LRRC37A2: variants seen among roughly 807,000 people sequenced by gnomAD.
LRRC37A2 encodes the protein leucine rich repeat containing 37 member A2, also known as leucine-rich repeat-containing protein 37A2.
Under a neutral mutation model 68.8 loss-of-function variants are expected in LRRC37A2, and 9 were observed. The ratio of observed to expected loss-of-function variants is 0.13; its 90% CI spans 0.08 to 0.23. The LOEUF (loss-of-function observed/expected upper bound fraction) is 0.23. Among genes scored for constraint, LRRC37A2 ranks in the 10% least tolerant of loss-of-function variants. The pLI is 1.00. For missense variants in LRRC37A2, 168 were observed against 950.4 expected, an observed-to-expected ratio of 0.18 and a Z score of 10.82; for synonymous variants, 63 against 367.6, an observed-to-expected ratio of 0.17 and a Z score of 9.48.
the LRRC37A2 span, among the ~76,000 whole-genome samples, chr17:46,809,638 C>G: frequency 6.6e-6 from 1 of 152,230 alleles, no homozygotes; most frequent in African/African-American, 2.4e-5. Context: ...TTTGCCCTCG[C>G]CCCCCTCACC....
At chr17:46,999,784 A>T in the LRRC37A2 span, among the ~76,000 whole-genome samples, 85 of 151,778 alleles carry the variant, frequency 5.6e-4, no homozygotes, top group African/African-American at 1.9e-3. Flanking sequence ...AGATTACTTG[A>T]GGTCAGGAGT....
At chr17:46,773,619 T>TCC in the LRRC37A2 span, 1 of 549,846 alleles carries the variant, frequency 1.8e-6, no homozygotes, top group Non-Finnish European at 3.2e-6. Context: ...ACAGTCCTGA[T>TCC]CCCTCCCCCC....
the LRRC37A2 span, among the ~76,000 whole-genome samples, chr17:46,920,267 T>G: frequency 2.6e-5 from 4 of 152,222 alleles, no homozygotes; most frequent in Non-Finnish European, 5.9e-5. Flanking sequence ...GTACTTTGTA[T>G]CAATTGTAGC....
chr17:46,957,056 C>A, the LRRC37A2 span, among the ~76,000 whole-genome samples: 1 of 152,168 alleles, frequency 6.6e-6, no homozygotes, highest in South Asian at 2.1e-4. Flanking sequence ...CACTTGTAGT[C>A]CCAGCACTTT....
chr17:46,980,738 C>G, the LRRC37A2 span, among the ~76,000 whole-genome samples: 1 of 150,690 alleles, frequency 6.6e-6, no homozygotes, highest in Non-Finnish European at 1.5e-5. Flanking sequence ...GAGGCTGAGG[C>G]AGGAGAATGG....
the LRRC37A2 span, among the ~76,000 whole-genome samples, chr17:46,765,149 G>T: frequency 6.6e-6 from 1 of 152,250 alleles, no homozygotes; most frequent in Non-Finnish European, 1.5e-5. Context: ...AAGGGTTTGA[G>T]GCATTCCCAG....
chr17:46,929,641 G>T, the LRRC37A2 span: 1 of 881,314 alleles, frequency 1.1e-6, no homozygotes, highest in South Asian at 1.3e-5. Flanking sequence ...GTGCTAATGG[G>T]CTGGGCTTCC....
the LRRC37A2 span, among the ~76,000 whole-genome samples, chr17:46,837,084 A>G: frequency 6.6e-6 from 1 of 152,124 alleles, no homozygotes; most frequent in African/African-American, 2.4e-5. Context: ...CTAGGACTAC[A>G]GGCACTCGCC....
chr17:46,713,956 T>C, the LRRC37A2 span: 9,562 of 1,606,030 alleles, frequency 6.0e-3, 43 homozygotes, highest in Non-Finnish European at 7.0e-3. Context: ...TTGGCTTTTC[T>C]GAAACAGCCA....
At chr17:46,770,128 C>T in the LRRC37A2 span, 1 of 1,458,652 alleles carries the variant, frequency 6.9e-7, no homozygotes, top group Non-Finnish European at 9.0e-7. Flanking sequence ...CAGGCCAGGA[C>T]GTGAGGGGAA....
At chr17:46,456,253 C>T in the LRRC37A2 span, among the ~76,000 whole-genome samples, 4 of 103,786 alleles carry the variant, frequency 3.9e-5, no homozygotes, top group Non-Finnish European at 8.4e-5. Flanking sequence ...TGTGTATACA[C>T]ATATATGATA....
the LRRC37A2 span, chr17:46,876,144 C>T: frequency 9.2e-5 from 107 of 1,163,440 alleles, no homozygotes; most frequent in Admixed American, 2.0e-4. Context: ...GTCTCTTTCC[C>T]ATTCTCCTGC....
the LRRC37A2 span, among the ~76,000 whole-genome samples, chr17:46,961,058 C>A: frequency 2.6e-5 from 4 of 151,752 alleles, no homozygotes; most frequent in Non-Finnish European, 5.9e-5. Flanking sequence ...GAATAAAATA[C>A]TAGACAAAAA....
chr17:46,969,728 A>G, the LRRC37A2 span, among the ~76,000 whole-genome samples: 1 of 152,242 alleles, frequency 6.6e-6, no homozygotes, highest in South Asian at 2.1e-4. Context: ...GGCTTGGCAA[A>G]TAACTTCAAA....
chr17:46,929,300 G>A, the LRRC37A2 span, among the ~76,000 whole-genome samples: 1 of 152,248 alleles, frequency 6.6e-6, no homozygotes, highest in East Asian at 1.9e-4. Context: ...CTTGGATATG[G>A]TAAGCACCCA....
chr17:46,530,080 CAG>C (rs1395302975), intron 6 of LRRC37A2, among the ~76,000 whole-genome samples: 1 of 147,554 alleles, frequency 6.8e-6, no homozygotes, highest in Non-Finnish European at 1.5e-5. Context: ...AAAATAGAAA[CAG>C]GGTCTCACTT....
chr17:46,539,371 GA>G (rs2054848026), intron 6 of LRRC37A2, among the ~76,000 whole-genome samples: 1 of 136,368 alleles, frequency 7.3e-6, no homozygotes, highest in African/African-American at 2.8e-5. Context: ...CCTCCTCTTA[GA>G]TTTATTCCTT....
chr17:47,006,192 C>T, the LRRC37A2 span, among the ~76,000 whole-genome samples: 1 of 152,024 alleles, frequency 6.6e-6, no homozygotes, highest in African/African-American at 2.4e-5. Flanking sequence ...TTTTTTTTCC[C>T]TCTGTTTTCT....
At chr17:47,027,781 G>GT in the LRRC37A2 span, among the ~76,000 whole-genome samples, 1 of 152,210 alleles carries the variant, frequency 6.6e-6, no homozygotes, top group Admixed American at 6.5e-5. Context: ...AAGGATTATT[G>GT]TGAGAATTAT....
Sources: gnomAD v4.1 joint callset for allele counts (sites outside exome capture counted in the v4.1 genomes callset) on GRCh38, gnomAD v4.1.1 for gene constraint, MANE v1.5 for transcripts, NCBI Gene and HGNC (gene_info 2026-07-23, HGNC 2026-07-21) for gene names.